Variants in SIN3B observed in about 807,000 individuals in gnomAD.
SIN3B encodes the protein SIN3 transcription regulator family member B.
In SIN3B, 19 loss-of-function variants were observed where a neutral mutation model predicts 120.2. The ratio of observed to expected loss-of-function variants is 0.16; its 90% CI spans 0.11 to 0.23. The LOEUF is 0.23. Among genes scored for constraint, SIN3B ranks in the 10% least tolerant of loss-of-function variants. The pLI is 1.00. For synonymous variants in SIN3B, 654 were observed against 653.2 expected (o/e 1.00, Z -0.02); for missense variants, 1,073 against 1,573.0 (o/e 0.68, Z 5.38).
Position 16,876,166 on chromosome 19 carries a change from G to A in SIN3B, c.2704G>A (p.Ala902Thr), listed in dbSNP as rs772869307. 1 of 1,613,228 alleles carries A rather than the reference G, an allele frequency of 6.2e-7. No individual in the cohort carries two copies. Among genetic ancestry groups the A allele is most frequent in the South Asian group, 1.1e-5 (1 of 91,030 alleles). Reference sequence around the variant, plus strand: ...CCTGTCCTCCCGCTGCGTCCGCGCTGCTAGGGAGACCAGCTACCAGTGGAA... The same window carrying A: ...CCTGTCCTCCCGCTGCGTCCGCGCTACTAGGGAGACCAGCTACCAGTGGAA... ...GNLSSRCVRA[A>T]RETSYQWKAE... The change falls in exon 15 of 19, where the codon GCT becomes ACT. Residue 902 changes from alanine to threonine, a missense_variant. Ala to Thr is a moderately conservative substitution (Grantham distance 58, BLOSUM62 0). Coordinates refer to ENST00000248054, the MANE Select transcript of SIN3B (RefSeq NM_001297595.2). The surrounding 1 kb of genome is among the most constrained non-coding windows in gnomAD (Gnocchi z 7.1).
At chr19:16,850,392 C>T (rs1056135474) in intron 5 of SIN3B, among the ~76,000 whole-genome samples, 3 of 152,054 alleles carry the variant, frequency 2.0e-5, no homozygotes, top group Non-Finnish European at 4.4e-5. Context: ...TTTTACAAAG[C>T]GACACACGGC....
chr19:16,838,883 A>G (rs947642589), intron 3 of SIN3B, among the ~76,000 whole-genome samples: 1 of 149,692 alleles, frequency 6.7e-6, no homozygotes, highest in African/African-American at 2.5e-5. Flanking sequence ...CATGTTGGCC[A>G]GGCTAGTCTT....
At chr19:16,873,522 TCC>T (rs36078258) in intron 14 of SIN3B, among the ~76,000 whole-genome samples, 2,588 of 112,614 alleles carry the variant, frequency 0.023, 84 homozygotes, top group African/African-American at 0.074. Context: ...GTCTGTCCCC[TCC>T]CCCCCCCCCC....
chr19:16,830,335 C>T (rs951301613), intron 2 of SIN3B, among the ~76,000 whole-genome samples: 1 of 152,184 alleles, frequency 6.6e-6, no homozygotes, highest in Non-Finnish European at 1.5e-5. Flanking sequence ...CTTCTCTGGG[C>T]TCACTGTGGT....
chr19:16,852,483 A>G (rs1276404884), intron 6 of SIN3B, among the ~76,000 whole-genome samples: 2 of 152,112 alleles, frequency 1.3e-5, no homozygotes, highest in Non-Finnish European at 2.9e-5. Context: ...CTGGGCTCAA[A>G]CAATCCTCCC....
chr19:16,862,155 G>A lies in SIN3B; in HGVS notation c.1059-197G>A, dbSNP rs1971697398. On this transcript the variant is annotated intron_variant, in intron 8 of 18. Coordinates refer to ENST00000248054, the MANE Select transcript of SIN3B (RefSeq NM_001297595.2). This position sits in a 1 kb window ranked among gnomAD's most constrained non-coding sequence, Gnocchi z 4.7. ...CCTGGTGTGTGACAGATGGGTGGGA[G>A]GCCCATTCATTCACACACCCCGGGA... Among the ~76,000 whole-genome samples, 1 of 152,160 alleles carries A rather than the reference G, an allele frequency of 6.6e-6. No homozygotes were observed. Among genetic ancestry groups the A allele is most frequent in the South Asian group, 2.1e-4 (1 of 4,832 alleles).
chr19:16,868,606 A>G (rs970413574), intron 12 of SIN3B, among the ~76,000 whole-genome samples: 13 of 152,212 alleles, frequency 8.5e-5, no homozygotes, highest in African/African-American at 3.1e-4. Flanking sequence ...GCAGATGGGC[A>G]TGTGCAAAGG....
At chr19:16,857,166 A>C (rs1405683883) in intron 8 of SIN3B, among the ~76,000 whole-genome samples, 3 of 152,240 alleles carry the variant, frequency 2.0e-5, no homozygotes, top group Non-Finnish European at 4.4e-5. Context: ...ATCACTGAAA[A>C]TGTCAAATCT....
At chr19:16,870,134 C>T in intron 13 of SIN3B, 59 bp downstream of exon 13, 1 of 1,431,606 alleles carries the variant, frequency 7.0e-7, no homozygotes, top group Non-Finnish European at 9.3e-7. Context: ...GGGGTCACAG[C>T]TCATGATCTG....
chr19:16,846,263 A>T (rs1971477533), intron 4 of SIN3B: 1 of 152,026 alleles, frequency 6.6e-6, no homozygotes, highest in Non-Finnish European at 1.5e-5. Context: ...CGGTGCCAAG[A>T]TTTAAAACTT....
chr19:16,839,267 C>T (rs761298439), intron 3 of SIN3B, among the ~76,000 whole-genome samples: 4 of 152,204 alleles, frequency 2.6e-5, no homozygotes, highest in Non-Finnish European at 5.9e-5. Flanking sequence ...TGCGCCTGGC[C>T]TGAGCCACTG....
At chr19:16,853,184 T>C (rs762737140) in intron 7 of SIN3B, 26 bp downstream of exon 7, 2 of 1,599,690 alleles carry the variant, frequency 1.3e-6, no homozygotes, top group East Asian at 2.2e-5. Context: ...GGCTTCCATC[T>C]TGGGGATGCC....
Position 16,862,762 on chromosome 19 carries a change from A to C in SIN3B, c.1266+203A>C, listed in dbSNP as rs1971706288. 1.7e-5 allele frequency: 18 copies of C among 1,046,522 alleles called. No individual in the cohort carries two copies. The highest frequency in any genetic ancestry group is 2.5e-5 in the Non-Finnish European group (17 of 682,804). The allele number at this position is 1,046,522 out of a possible 1,614,324, so 64.8% of individuals were successfully genotyped here. ...TTGTACCCTGCTGGTAGTTTTGGCA[A>C]AACACAGAGTGCCAGGGATAACGTG... On this transcript the variant is annotated intron_variant, in intron 9 of 18. Coordinates refer to ENST00000248054, the MANE Select transcript of SIN3B (RefSeq NM_001297595.2). This position sits in a 1 kb window ranked among gnomAD's most constrained non-coding sequence, Gnocchi z 4.7.
rs754484572 is a variant in SIN3B, at chr19:16,879,513, A to G, written c.*786A>G. On this transcript the variant is annotated 3_prime_UTR_variant, in exon 19 of 19. Coordinates refer to ENST00000248054, the MANE Select transcript of SIN3B (RefSeq NM_001297595.2). ...GCCCAGTCGTGTTCCTGCAGTGGGC[A>G]CCCTAGGCGTATGTGTATACACGCA... The G allele has an allele frequency of 6.6e-6, 1 of 152,124 alleles. No individual in the cohort carries two copies. The highest frequency in any genetic ancestry group is 1.5e-5 in the Non-Finnish European group (1 of 68,038). 9.4% of individuals were successfully genotyped at this position (152,124 alleles called of 1,614,324 possible).
intron 8 of SIN3B, among the ~76,000 whole-genome samples, chr19:16,857,598 A>G (rs1246727284): frequency 1.3e-5 from 2 of 151,730 alleles, no homozygotes; most frequent in Non-Finnish European, 2.9e-5. Flanking sequence ...TAAAGCACAG[A>G]TCCAAGAAAC....
intron 4 of SIN3B, chr19:16,846,602 C>G (rs950997824): frequency 2.0e-4 from 36 of 178,544 alleles, no homozygotes; most frequent in African/African-American, 8.2e-4. Context: ...CTGGAAGTCC[C>G]TTCCCTTCAT....
Position 16,829,436 on chromosome 19 carries a change from G to A in SIN3B, c.16G>A (p.Gly6Ser), listed in dbSNP as rs1305780381. The change falls in exon 1 of 19, where the codon GGT (glycine) becomes AGT (serine). Residue 6 changes from glycine (G) to serine (S), a missense_variant. Gly to Ser is a moderately conservative substitution (Grantham distance 56). Around this residue, in one of 7 missense-constraint regions of SIN3B, gnomAD observed 395 missense variants for 528.0 expected, o/e 0.75. Coordinates refer to ENST00000248054, the MANE Select transcript of SIN3B (RefSeq NM_001297595.2). MAHAG[G>S]GSGGSGAGGP... Reference sequence around the variant, plus strand: ...GACTTCGGACATGGCGCACGCTGGCGGTGGCAGCGGTGGCAGCGGTGCCGG... The same window carrying A: ...GACTTCGGACATGGCGCACGCTGGCAGTGGCAGCGGTGGCAGCGGTGCCGG... The A allele has an allele frequency of 1.7e-6, 2 of 1,209,178 alleles. No homozygotes were observed. Among genetic ancestry groups the A allele is most frequent in the Non-Finnish European group, 2.1e-6 (2 of 973,062 alleles). The allele number at this position is 1,209,178 out of a possible 1,614,324, so 74.9% of individuals were successfully genotyped here. A position where few individuals can be genotyped will look rare whatever the true frequency, so the allele number is the denominator to read the frequency against.
At position 16,862,979 on chromosome 19, in the gene SIN3B, G is replaced by A. The variant is rs141243481; in HGVS notation, c.1266+420G>A. 3 of 1,612,952 alleles carry A rather than the reference G, an allele frequency of 1.9e-6. No homozygotes were observed. Among genetic ancestry groups the A allele is most frequent in the Admixed American group, 3.3e-5 (2 of 59,988 alleles). On this transcript the variant is annotated intron_variant, in intron 9 of 18. Transcript: ENST00000248054. This position sits in a 1 kb window ranked among gnomAD's most constrained non-coding sequence, Gnocchi z 4.7. ...GCTGGATTCCAGGATATAGTGCAGG[G>A]GTCAGCAAACTCTGGCCCACGGGCC...
intron 5 of SIN3B, among the ~76,000 whole-genome samples, chr19:16,847,663 C>A (rs1243210705): frequency 6.6e-6 from 1 of 152,212 alleles, no homozygotes; most frequent in Non-Finnish European, 1.5e-5. Context: ...CAGCCTTTCT[C>A]CCCTGCCTGT....
Sources: gnomAD v4.1 joint callset for allele counts (sites outside exome capture counted in the v4.1 genomes callset) on GRCh38, gnomAD v4.1.1 for gene constraint, gnomAD v4.1.1 regional missense constraint, Gnocchi (gnomAD v3.1) non-coding constraint, MANE v1.5 for transcripts, NCBI Gene and HGNC (gene_info 2026-07-23, HGNC 2026-07-21) for gene names.